NBEA: variants seen among roughly 807,000 people sequenced by gnomAD.
The protein encoded by NBEA is neurobeachin.
A neutral mutation model predicts 343.4 loss-of-function variants in NBEA; 44 were observed. The ratio of observed to expected loss-of-function variants is 0.13; its 90% CI spans 0.10 to 0.16. The LOEUF (loss-of-function observed/expected upper bound fraction) is 0.16. Ranked by LOEUF, NBEA falls within the 10% of genes least tolerant of loss-of-function variation. NBEA has a pLI of 1.00. For synonymous variants in NBEA, 1,175 were observed against 1,238.7 expected (o/e 0.95, Z 1.08); for missense variants, 2,555 against 3,631.3 (o/e 0.70, Z 7.62).
At chr13:35,445,793 T>TATATAC (rs1555267119) in intron 39 of NBEA, among the ~76,000 whole-genome samples, 3 of 78,720 alleles carry the variant, frequency 3.8e-5, no homozygotes, top group African/African-American at 2.1e-4. Context: ...TATATATATA[T>TATATAC]ATATATATAT....
At chr13:35,333,598 A>T (rs1302636214) in intron 36 of NBEA, among the ~76,000 whole-genome samples, 2 of 152,096 alleles carry the variant, frequency 1.3e-5, no homozygotes, top group Admixed American at 6.6e-5. Context: ...TATTGATTAT[A>T]GTCACCCTGT....
chr13:35,632,279 T>A (rs987154055), intron 49 of NBEA, among the ~76,000 whole-genome samples: 14 of 152,156 alleles, frequency 9.2e-5, no homozygotes, highest in African/African-American at 3.4e-4. Context: ...TGGTTGGTAA[T>A]CATTTAGTCC....
At chr13:35,075,958 G>A (rs889056768) in intron 10 of NBEA, among the ~76,000 whole-genome samples, 10 of 151,716 alleles carry the variant, frequency 6.6e-5, no homozygotes, top group East Asian at 5.8e-4. Flanking sequence ...TATATACAGC[G>A]TTAAAATTTT....
In NBEA at chr13:34,976,188, CA is replaced by C. The variant is rs376574673; in HGVS notation, c.294+33076del. Among the ~76,000 whole-genome samples the C allele has an allele frequency of 6.2e-4, 95 of 152,242 alleles. 2 individuals are homozygous for C. In the South Asian group the frequency reaches 0.019, roughly 31 times the overall value. ...GGAATCCTCCCAAGTGCCCATCAACCAATGAGTGGATGAAAAAAATGTGGTG... is the reference window on the plus strand; with the variant it reads ...GGAATCCTCCCAAGTGCCCATCAACCATGAGTGGATGAAAAAAATGTGGTG... On this transcript the variant is annotated intron_variant, in intron 1 of 58. Coordinates refer to ENST00000379939, the MANE Select transcript of NBEA (RefSeq NM_001385012.1).
chr13:35,644,971 A>G (rs2153075767), intron 49 of NBEA, among the ~76,000 whole-genome samples: 1 of 152,330 alleles, frequency 6.6e-6, no homozygotes, highest in African/African-American at 2.4e-5. Flanking sequence ...AAAAGAACCA[A>G]AGTCCCATTT....
At chr13:35,284,120 CATGCCAG>C (rs2035259050) in intron 34 of NBEA, among the ~76,000 whole-genome samples, 1 of 152,134 alleles carries the variant, frequency 6.6e-6, no homozygotes, top group African/African-American at 2.4e-5. Flanking sequence ...CTTTGTACCA[CATGCCAG>C]AGTTCAGTGG....
rs985227779 is a variant in NBEA at position 35,606,563 on chromosome 13, G to A, written c.7434G>A (p.Val2478=). ...GGGCAAAAAAACCTGAAGACTTTGT[G>A]CGGATCAACAGGATGGTAAGAGAGA... The part of the protein sequence containing the change: ...PPWAKKPEDF[V]RINRMALESE... Residue 2478 remains valine (V), a synonymous_variant, in exon 48 of 59, where the codon GTG becomes GTA. Transcript: ENST00000379939. 6.2e-7 allele frequency: 1 copy of A among 1,603,286 alleles called. No individual in the cohort carries two copies. The highest frequency in any genetic ancestry group is 8.5e-7 in the Non-Finnish European group (1 of 1,173,214).
In NBEA at chr13:35,142,333, C is replaced by T. The variant is rs374696198; in HGVS notation, c.2401C>T (p.His801Tyr). The change falls in exon 18 of 59, where the codon CAT becomes TAT. Residue 801 changes from histidine to tyrosine, a missense_variant. His to Tyr is a moderately conservative substitution (Grantham distance 83). Around this residue, in one of 21 missense-constraint regions of NBEA, gnomAD observed 360 missense variants for 519.1 expected, o/e 0.69. Transcript: ENST00000379939. Reference protein sequence around the residue: ...FTLLGERLMLHTNTVTVTTYN... With the variant: ...FTLLGERLMLYTNTVTVTTYN... Reference sequence around the variant, plus strand: ...TCTTCTTGGAGAAAGGCTGATGTTGCATACAAACACTGTGACTGTCACCAC... The same window carrying T: ...TCTTCTTGGAGAAAGGCTGATGTTGTATACAAACACTGTGACTGTCACCAC... 2.5e-6 allele frequency: 4 copies of T among 1,613,018 alleles called. No individual in the cohort carries two copies. Among genetic ancestry groups the T allele is most frequent in the Non-Finnish European group, 3.4e-6 (4 of 1,179,462 alleles).
intron 41 of NBEA, among the ~76,000 whole-genome samples, chr13:35,543,972 A>T (rs1193623341): frequency 6.6e-6 from 1 of 152,136 alleles, no homozygotes; most frequent in African/African-American, 2.4e-5. Flanking sequence ...TTCAGCTGAC[A>T]GTTTAAAAAG....
At chr13:35,071,570 T>C (rs191495219) in intron 10 of NBEA, among the ~76,000 whole-genome samples, 19 of 152,108 alleles carry the variant, frequency 1.2e-4, no homozygotes, top group African/African-American at 4.3e-4. Context: ...CACATTGCCA[T>C]GCTTGGGGAT....
At chr13:35,138,459 C>CTTTT (rs1230686366) in intron 17 of NBEA, among the ~76,000 whole-genome samples, 1 of 136,454 alleles carries the variant, frequency 7.3e-6, no homozygotes, top group African/African-American at 2.7e-5. Flanking sequence ...AATTATGCTA[C>CTTTT]TTTTTTTTTT....
At chr13:35,646,639 T>C (rs185421758) in intron 51 of NBEA, among the ~76,000 whole-genome samples, 5 of 152,308 alleles carry the variant, frequency 3.3e-5, no homozygotes, top group African/African-American at 1.2e-4. Context: ...AGACACACAC[T>C]GACACCAGAA....
chr13:35,093,475 C>A (rs571944081), intron 10 of NBEA, among the ~76,000 whole-genome samples: 1 of 151,958 alleles, frequency 6.6e-6, no homozygotes, highest in African/African-American at 2.4e-5. Flanking sequence ...CTTGCATTTG[C>A]GAATTCCAGC....
At chr13:35,362,767 A>G (rs1022871879) in intron 38 of NBEA, among the ~76,000 whole-genome samples, 3 of 152,016 alleles carry the variant, frequency 2.0e-5, no homozygotes, top group Non-Finnish European at 4.4e-5. Context: ...CTTTGATTTC[A>G]GTTTGATATT....
chr13:35,582,225 G>T (rs1284540787), intron 45 of NBEA, among the ~76,000 whole-genome samples: 1 of 152,132 alleles, frequency 6.6e-6, no homozygotes, highest in Non-Finnish European at 1.5e-5. Flanking sequence ...GGCGGAGCTT[G>T]CAGCGAGCCC....
intron 41 of NBEA, among the ~76,000 whole-genome samples, chr13:35,534,132 T>C (rs1242550662): frequency 6.6e-6 from 1 of 152,188 alleles, no homozygotes; most frequent in Non-Finnish European, 1.5e-5. Flanking sequence ...ATCTAAAGTC[T>C]GGACTGAACT....
intron 34 of NBEA, among the ~76,000 whole-genome samples, chr13:35,267,432 G>A (rs1029618162): frequency 5.9e-5 from 9 of 151,804 alleles, no homozygotes; most frequent in Admixed American, 5.9e-4. Context: ...AAGCATTAGG[G>A]CATTGGATTT....
chr13:35,325,050 T>C (rs984152301), intron 36 of NBEA, among the ~76,000 whole-genome samples: 2 of 152,130 alleles, frequency 1.3e-5, no homozygotes. Flanking sequence ...TTTTCCTGAT[T>C]TTTTAGTGCT....
intron 30 of NBEA, among the ~76,000 whole-genome samples, chr13:35,187,353 T>C (rs1016075462): frequency 1.1e-4 from 17 of 151,864 alleles, no homozygotes; most frequent in African/African-American, 3.1e-4. Flanking sequence ...TGCCATAGTT[T>C]CTTCATTGGA....
Sources: allele counts gnomAD v4.1 joint callset (sites outside exome capture counted in the v4.1 genomes callset), GRCh38; gene constraint gnomAD v4.1.1; regional missense constraint gnomAD v4.1.1; transcripts MANE v1.5; gene names NCBI Gene and HGNC (gene_info 2026-07-23, HGNC 2026-07-21).